Variants in KLK7 observed in about 807,000 individuals in gnomAD.
KLK7 encodes the protein kallikrein related peptidase 7.
Under a neutral mutation model 21.0 loss-of-function variants are expected in KLK7, and 17 were observed. That is an observed-to-expected ratio of 0.81 (90% CI 0.55 to 1.21). KLK7 has a LOEUF of 1.21. KLK7 is among the 50% of genes most tolerant of loss of function. The pLI is 0.00. For missense variants in KLK7, 330 were observed against 322.8 expected (o/e 1.02, Z -0.17); for synonymous variants, 151 against 134.6 (o/e 1.12, Z -0.85).
In KLK7 at chr19:50,979,787, C is replaced by T; in HGVS notation, c.606+1G>A. ...GGAGGAATTGGGGGGGAGGGTCTCA[C>T]ATTGCAGGCGTTTTTCTTGGAGTCG... On this transcript the variant is annotated splice_donor_variant, in intron 5 of 5. Coordinates refer to ENST00000595820, the MANE Select transcript of KLK7 (RefSeq NM_005046.4). LOFTEE classifies it high-confidence loss of function. 1 of 1,568,170 alleles carries T rather than the reference C, an allele frequency of 6.4e-7. No individual in the cohort carries two copies. Among genetic ancestry groups the T allele is most frequent in the South Asian group, 1.2e-5 (1 of 85,278 alleles).
intron 3 of KLK7, among the ~76,000 whole-genome samples, chr19:50,980,990 G>A (rs1348978209): frequency 1.4e-5 from 2 of 147,534 alleles, no homozygotes; most frequent in Non-Finnish European, 3.0e-5. Flanking sequence ...CAGGGAGAGA[G>A]GGGGACAGAG....
At chr19:50,980,563 TGGGGACAGAGACCCAGAGAGAGGAGG>T (rs2091071191) in intron 3 of KLK7, 76 bp from the exon 4 acceptor site, 8 of 1,529,266 alleles carry the variant, frequency 5.2e-6, no homozygotes, top group South Asian at 5.0e-5. Flanking sequence ...GGGGACGGGG[TGGGGACAGAGACCCAGAGAGAGGAGG>T]GGGGACAGAG....
intron 5 of KLK7, among the ~76,000 whole-genome samples, 162 bp downstream of exon 5, chr19:50,979,626 C>A (rs1322085900): frequency 2.6e-5 from 4 of 152,110 alleles, no homozygotes; most frequent in African/African-American, 9.7e-5. Context: ...AAACTCCCAC[C>A]CCTGACCTAG....
chr19:50,978,850 G>A (rs2091055645), intron 5 of KLK7, among the ~76,000 whole-genome samples: 1 of 143,360 alleles, frequency 7.0e-6, no homozygotes, highest in Non-Finnish European at 1.5e-5. Flanking sequence ...AGAAAGAGGA[G>A]AGGGCCAGAG....
chr19:50,980,381 C>T lies in KLK7; in HGVS notation c.328G>A (p.Val110Ile), dbSNP rs754335978. The T allele has an allele frequency of 1.3e-5, 21 of 1,613,962 alleles. No individual in the cohort carries two copies. Among genetic ancestry groups the T allele is most frequent in the Non-Finnish European group, 1.6e-5 (19 of 1,179,996 alleles). ...RHPGYSTQTH[V>I]NDLMLVKLNS... ...AGCTTCACGAGCATGAGGTCATTAA[C>T]ATGGGTCTGTGTGGAGTAGCCGGGG... The change falls in exon 4 of 6, where the codon GTT becomes ATT. Residue 110 changes from valine to isoleucine, a missense_variant. Physicochemically the swap from Val to Ile is conservative, Grantham distance 29. Coordinates refer to ENST00000595820, the MANE Select transcript of KLK7 (RefSeq NM_005046.4).
In KLK7 at chr19:50,976,671, C is replaced by A. The variant is rs537786208; in HGVS notation, c.*865G>T. 2 of 152,274 alleles carry A rather than the reference C, an allele frequency of 1.3e-5. No homozygotes were observed. The highest frequency in any genetic ancestry group is 4.8e-5 in the African/African-American group (2 of 41,530). The allele number at this position is 152,274 out of a possible 1,614,324, so 9.4% of individuals were successfully genotyped here. A position where few individuals can be genotyped will look rare whatever the true frequency, so the allele number is the denominator to read the frequency against. On this transcript the variant is annotated 3_prime_UTR_variant, in exon 6 of 6. Coordinates refer to ENST00000595820, the MANE Select transcript of KLK7 (RefSeq NM_005046.4). ...TATATATTTTTGTCCTTCCTTTTGTCATTTAACATCCTATAGCCTAAATGT... is the reference window on the plus strand; with the variant it reads ...TATATATTTTTGTCCTTCCTTTTGTAATTTAACATCCTATAGCCTAAATGT...
intron 5 of KLK7, among the ~76,000 whole-genome samples, 163 bp downstream of exon 5, chr19:50,979,624 AC>A (rs1273846399): frequency 1.3e-5 from 2 of 151,636 alleles, no homozygotes; most frequent in Non-Finnish European, 2.9e-5. Flanking sequence ...GTAAACTCCC[AC>A]CCCTGACCTA....
Position 50,982,317 on chromosome 19 carries a change from C to T in KLK7, c.73+10G>A. ...TGAGGTGAGGTCAGACTTCCCAGTC[C>T]AGCTTTCACCTTCTTCTCCTGCAGT... On this transcript the variant is annotated intron_variant, in intron 2 of 5. Transcript: ENST00000595820. The T allele has an allele frequency of 6.2e-7, 1 of 1,608,400 alleles. No individual in the cohort carries two copies. The highest frequency in any genetic ancestry group is 8.5e-7 in the Non-Finnish European group (1 of 1,177,530).
chr19:50,982,460 G>A lies in KLK7; in HGVS notation c.-58-3C>T. The stretch of plus-strand genomic sequence containing the variant: ...AGGAAGGGCCTCTCCTGCTGGAGCT[G>A]AGAAGGAGAAAGCATTCAGGCCCAG... On this transcript the variant is annotated splice_region_variant and splice_polypyrimidine_tract_variant and intron_variant, in intron 1 of 5. Transcript: ENST00000595820. 6.4e-7 allele frequency: 1 copy of A among 1,556,780 alleles called. No homozygotes were observed. Among genetic ancestry groups the A allele is most frequent in the African/African-American group, 1.4e-5 (1 of 74,016 alleles).
intron 3 of KLK7, among the ~76,000 whole-genome samples, chr19:50,980,932 A>AT (rs1555783419): frequency 1.5e-5 from 2 of 132,542 alleles, no homozygotes; most frequent in African/African-American, 6.2e-5. Context: ...GGGAACAGAG[A>AT]CCAGAGAGAG....
intron 4 of KLK7, 113 bp downstream of exon 4, chr19:50,980,127 G>A (rs2091065902): frequency 7.7e-7 from 1 of 1,303,266 alleles, no homozygotes; most frequent in Non-Finnish European, 1.1e-6. Context: ...TGAGGGAGGA[G>A]GGGCTGAGGC....
Position 50,980,244 on chromosome 19 carries a change from T to C in KLK7, c.465A>G (p.Pro155=). 1 of 1,613,756 alleles carries C rather than the reference T, an allele frequency of 6.2e-7. No homozygotes were observed. Among genetic ancestry groups the C allele is most frequent in the Non-Finnish European group, 8.5e-7 (1 of 1,179,870 alleles). ...TGGGTCACTGAGGCCACCTACCATC[T>C]GGGCTCGTGGTAGTGCCCCAGCCGG... ...TVSGWGTTTS[P]DVTFPSDLMC... Residue 155 remains proline, a synonymous_variant, in exon 4 of 6, where the codon CCA becomes CCG. Transcript: ENST00000595820.
At chr19:50,980,555 G>A in intron 3 of KLK7, 68 bp from the exon 4 acceptor site, 2 of 1,596,024 alleles carry the variant, frequency 1.3e-6, no homozygotes, top group South Asian at 1.1e-5. Context: ...AAGACCTGGG[G>A]GACGGGGTGG....
In KLK7 at chr19:50,977,500, T is replaced by C; in HGVS notation, c.*36A>G. 6.2e-7 allele frequency: 1 copy of C among 1,603,892 alleles called. No individual in the cohort carries two copies. The highest frequency in any genetic ancestry group is 8.5e-7 in the Non-Finnish European group (1 of 1,171,232). On this transcript the variant is annotated 3_prime_UTR_variant, in exon 6 of 6. Transcript: ENST00000595820. ...GGCGTCCTCACTCCTGTGCATTTTC[T>C]GTTGGAAGCACACAGTTAATTAACT... is the stretch of plus-strand genomic sequence containing the variant.
Position 50,983,848 on chromosome 19 carries a change from C to G in KLK7, c.-59+3G>C, listed in dbSNP as rs2091110503. ...GTGCACCCTTGATGAAGCCTCTTCT[C>G]ACCTCGAGAGGATCTGATGTGATCC... On this transcript the variant is annotated splice_donor_region_variant and intron_variant, in intron 1 of 5. Coordinates refer to ENST00000595820, the MANE Select transcript of KLK7 (RefSeq NM_005046.4). 1.1e-5 allele frequency: 14 copies of G among 1,289,288 alleles called. No homozygotes were observed. The highest frequency in any genetic ancestry group is 1.4e-5 in the Non-Finnish European group (14 of 988,770). 79.9% of individuals were successfully genotyped at this position (1,289,288 alleles called of 1,614,324 possible).
rs2091091619 is a variant in KLK7 at position 50,981,843 on chromosome 19, T to G, written c.145A>C (p.Ser49Arg). The G allele has an allele frequency of 6.2e-7, 1 of 1,610,498 alleles. No individual in the cohort carries two copies. Among genetic ancestry groups the G allele is most frequent in the South Asian group, 1.1e-5 (1 of 89,756 alleles). ...GSHPWQVALL[S>R]GNQLHCGGVL... ...CCTCCGCAGTGGAGCTGATTGCCACTGAGCAGGGCCACCTGCCATGGGTGG... is the reference window on the plus strand; with the variant it reads ...CCTCCGCAGTGGAGCTGATTGCCACGGAGCAGGGCCACCTGCCATGGGTGG... The change falls in exon 3 of 6, where the codon AGT becomes CGT. Residue 49 changes from serine (S) to arginine (R), a missense_variant. Ser to Arg is a moderately radical substitution (Grantham distance 110). Coordinates refer to ENST00000595820, the MANE Select transcript of KLK7 (RefSeq NM_005046.4).
chr19:50,979,717 T>A, intron 5 of KLK7, 71 bp downstream of exon 5: 2 of 1,493,964 alleles, frequency 1.3e-6, no homozygotes, highest in Non-Finnish European at 1.8e-6. Flanking sequence ...GTCACTCGGG[T>A]CAAGCTCTGT....
At chr19:50,981,693 A>C in intron 3 of KLK7, 74 bp downstream of exon 3, 1 of 1,390,530 alleles carries the variant, frequency 7.2e-7, no homozygotes, top group Non-Finnish European at 9.7e-7. Flanking sequence ...TAGGCACAGA[A>C]AGACTGCCCT....
At chr19:50,980,535 AG>A in intron 3 of KLK7, 48 bp from the exon 4 acceptor site, 1 of 1,601,926 alleles carries the variant, frequency 6.2e-7, no homozygotes, top group East Asian at 2.3e-5. Flanking sequence ...TGTGACAGAG[AG>A]GGTGTGCAAA....
Sources: gnomAD v4.1 joint callset for allele counts (sites outside exome capture counted in the v4.1 genomes callset) on GRCh38, gnomAD v4.1.1 for gene constraint, MANE v1.5 for transcripts, NCBI Gene and HGNC (gene_info 2026-07-23, HGNC 2026-07-21) for gene names.